The following SLC26A7 variants were observed in gnomAD, a reference collection of about 807,000 sequenced individuals.
SLC26A7 encodes anion exchange transporter.
In SLC26A7, 59 loss-of-function variants were observed where a neutral mutation model predicts 82.5. The ratio of observed to expected loss-of-function variants is 0.72; its 90% confidence interval spans 0.58 to 0.89. The LOEUF (loss-of-function observed/expected upper bound fraction) is 0.89, where lower values mean the gene tolerates loss of function less well. SLC26A7 is among the 40% of genes least tolerant of loss of function. The pLI, the probability that SLC26A7 is intolerant of heterozygous loss-of-function variation, is 0.00. For synonymous variants in SLC26A7, 271 were observed against 274.3 expected (o/e 0.99, Z 0.12); for missense variants, 820 against 793.0 (o/e 1.03, Z -0.41).
chr8:91,306,682 C>A (rs1231934910), intron 4 of SLC26A7, among the ~76,000 whole-genome samples: 3 of 151,734 alleles, frequency 2.0e-5, no homozygotes, highest in Non-Finnish European at 4.4e-5. Flanking sequence ...TTGTTATTAA[C>A]TAAAGTCTAT....
intron 4 of SLC26A7, among the ~76,000 whole-genome samples, chr8:91,299,876 C>T (rs1161528055): frequency 1.3e-5 from 2 of 152,088 alleles, no homozygotes; most frequent in Admixed American, 1.3e-4. Flanking sequence ...GCTATGCTTT[C>T]TTCTAAAAAG....
intron 2 of SLC26A7, among the ~76,000 whole-genome samples, chr8:91,261,283 C>T (rs1466673668): frequency 1.3e-5 from 2 of 152,150 alleles, no homozygotes; most frequent in South Asian, 2.1e-4. Context: ...AGACAACAAT[C>T]CAGCCCACAA....
chr8:91,322,709 C>G (rs1405426290), intron 5 of SLC26A7, among the ~76,000 whole-genome samples: 1 of 152,136 alleles, frequency 6.6e-6, no homozygotes, highest in Non-Finnish European at 1.5e-5. Context: ...ATTGGCATGG[C>G]TTTATATGAG....
chr8:91,304,218 A>G (rs773173892), intron 4 of SLC26A7, among the ~76,000 whole-genome samples: 5 of 152,192 alleles, frequency 3.3e-5, no homozygotes, highest in African/African-American at 1.2e-4. Flanking sequence ...ACTGACTGAT[A>G]TAGTTTGGCT....
At chr8:91,229,223 C>A (rs752262112) in intron 2 of SLC26A7, among the ~76,000 whole-genome samples, 3 of 152,182 alleles carry the variant, frequency 2.0e-5, no homozygotes, top group Non-Finnish European at 4.4e-5. Flanking sequence ...CCTGGCCACC[C>A]TATTTAAAGT....
intron 2 of SLC26A7, among the ~76,000 whole-genome samples, chr8:91,261,556 A>T (rs765077399): frequency 6.6e-6 from 1 of 152,104 alleles, no homozygotes; most frequent in African/African-American, 2.4e-5. Flanking sequence ...CATAACATGA[A>T]ATGATGATTT....
At chr8:91,278,288 G>T in intron 2 of SLC26A7, among the ~76,000 whole-genome samples, 1 of 151,998 alleles carries the variant, frequency 6.6e-6, no homozygotes, top group African/African-American at 2.4e-5. Flanking sequence ...CTCTTGCAGA[G>T]CTGCAAGAGA....
chr8:91,234,906 CTGTT>C (rs1446691420), intron 2 of SLC26A7, among the ~76,000 whole-genome samples: 98 of 146,508 alleles, frequency 6.7e-4, no homozygotes, highest in African/African-American at 2.0e-3. Flanking sequence ...CTCTCTCTCT[CTGTT>C]TCTTTCTTTC....
Position 91,385,821 on chromosome 8 carries a change from A to C in SLC26A7, c.1676-3517A>C, listed in dbSNP as rs562249826. Among the ~76,000 whole-genome samples, 235 of 152,316 alleles carry C rather than the reference A, an allele frequency of 1.5e-3. 1 individual carries two copies. The highest frequency in any genetic ancestry group is 3.0e-3 in the Non-Finnish European group (207 of 68,000). On this transcript the variant is annotated intron_variant, in intron 15 of 18. Transcript: ENST00000276609. Reference sequence around the variant, plus strand: ...GAAAATAAAGGAAATTGCAAGTACAATTTAGAAGTGAAATATGGTAGGATA... The same window carrying C: ...GAAAATAAAGGAAATTGCAAGTACACTTTAGAAGTGAAATATGGTAGGATA...
chr8:91,276,477 A>G (rs1010744818), intron 2 of SLC26A7, among the ~76,000 whole-genome samples: 1 of 152,212 alleles, frequency 6.6e-6, no homozygotes. Flanking sequence ...TATAACTACA[A>G]TGAAAATTCT....
At chr8:91,326,837 A>G (rs1434271546) in intron 5 of SLC26A7, among the ~76,000 whole-genome samples, 2 of 152,106 alleles carry the variant, frequency 1.3e-5, no homozygotes, top group Non-Finnish European at 2.9e-5. Context: ...GGGAGAAACC[A>G]TCCTTGCCTT....
intron 13 of SLC26A7, among the ~76,000 whole-genome samples, chr8:91,366,028 G>A (rs1814182954): frequency 1.3e-5 from 2 of 151,956 alleles, no homozygotes; most frequent in African/African-American, 4.8e-5. Flanking sequence ...CCACATCCTG[G>A]CAATCCAGTT....
intron 8 of SLC26A7, among the ~76,000 whole-genome samples, chr8:91,341,462 C>T (rs1011339511): frequency 4.6e-5 from 7 of 152,166 alleles, no homozygotes; most frequent in African/African-American, 1.4e-4. Context: ...GTTGCAGTGC[C>T]GTGGTTTACG....
chr8:91,323,936 C>T (rs1470591190), intron 5 of SLC26A7, among the ~76,000 whole-genome samples: 5 of 151,058 alleles, frequency 3.3e-5, no homozygotes, highest in East Asian at 3.9e-4. Flanking sequence ...AAGCAATTCT[C>T]GTGCCTCAGC....
chr8:91,330,137 G>A (rs1341185591), intron 5 of SLC26A7, among the ~76,000 whole-genome samples: 1 of 151,996 alleles, frequency 6.6e-6, no homozygotes, highest in Non-Finnish European at 1.5e-5. Context: ...ATAACTAGTG[G>A]GTTCTTTTGT....
At chr8:91,330,638 C>G (rs571581414) in intron 5 of SLC26A7, among the ~76,000 whole-genome samples, 2 of 152,058 alleles carry the variant, frequency 1.3e-5, no homozygotes, top group Non-Finnish European at 2.9e-5. Flanking sequence ...GTTATAAAAA[C>G]TGGATTCAGC....
In SLC26A7 at chr8:91,344,194, C is replaced by A. The variant is rs530790442; in HGVS notation, c.1140+728C>A. ...ACTAAACCTTTGATGATCTAGGCAA[C>A]CTTAAGAAGGAGGTGTAATTATTAT... On this transcript the variant is annotated intron_variant, in intron 9 of 18. Coordinates refer to ENST00000276609, the MANE Select transcript of SLC26A7 (RefSeq NM_052832.4). 9.1e-6 allele frequency: 9 copies of A among 985,128 alleles called. No individual in the cohort carries two copies. The South Asian group carries it at 3.3e-4, about 36-fold the overall frequency. The allele number at this position is 985,128 out of a possible 1,614,324, so 61.0% of individuals were successfully genotyped here.
chr8:91,312,450 T>G (rs1310476826), intron 4 of SLC26A7, among the ~76,000 whole-genome samples: 1 of 152,204 alleles, frequency 6.6e-6, no homozygotes, highest in Non-Finnish European at 1.5e-5. Context: ...CTTTCAATGT[T>G]TATTTGCATG....
intron 14 of SLC26A7, among the ~76,000 whole-genome samples, chr8:91,368,481 C>T (rs956653229): frequency 2.0e-5 from 3 of 151,446 alleles, no homozygotes; most frequent in Non-Finnish European, 2.9e-5. Context: ...TGCAGTGGCC[C>T]GATCTTGGCT....
Sources: gnomAD v4.1 joint callset for allele counts (sites outside exome capture counted in the v4.1 genomes callset) on GRCh38, gnomAD v4.1.1 for gene constraint, MANE v1.5 for transcripts, NCBI Gene and HGNC (gene_info 2026-07-23, HGNC 2026-07-21) for gene names.